Variants in UGT2B15 observed in about 807,000 individuals in gnomAD.
The protein encoded by UGT2B15 is UDP-glucuronosyltransferase 2B15.
A neutral mutation model predicts 45.9 loss-of-function variants in UGT2B15; 36 were observed. The ratio of observed to expected loss-of-function variants is 0.78; its 90% confidence interval spans 0.60 to 1.04. The LOEUF (loss-of-function observed/expected upper bound fraction) is 1.04. Ranked by LOEUF, UGT2B15 falls within the 50% of genes least tolerant of loss-of-function variation. UGT2B15 has a pLI of 0.00. For synonymous variants in UGT2B15, 219 were observed against 216.4 expected (o/e 1.01, Z -0.11); for missense variants, 617 against 622.4 (o/e 0.99, Z 0.09).
chr4:68,649,767 T>A (rs1732596709), intron 5 of UGT2B15, among the ~76,000 whole-genome samples: 1 of 152,064 alleles, frequency 6.6e-6, no homozygotes, highest in African/African-American at 2.4e-5. Flanking sequence ...CAAAGATCAC[T>A]ATTTTGTCTT....
intron 2 of UGT2B15, among the ~76,000 whole-genome samples, chr4:68,666,746 A>ATTTTTT (rs1172427126): frequency 1.4e-5 from 1 of 71,108 alleles, no homozygotes; most frequent in East Asian, 4.9e-4. Flanking sequence ...ATATATATAT[A>ATTTTTT]TATATATTTT....
intron 1 of UGT2B15, 49 bp from the exon 2 acceptor site, chr4:68,668,237 G>T (rs764862602): frequency 5.0e-6 from 8 of 1,605,840 alleles, no homozygotes; most frequent in Non-Finnish European, 6.8e-6. Flanking sequence ...CACGAGAATT[G>T]TTATTTGAAT....
chr4:68,669,742 T>C (rs1183367726), intron 1 of UGT2B15, among the ~76,000 whole-genome samples, 153 bp downstream of exon 1: 2 of 152,212 alleles, frequency 1.3e-5, no homozygotes, highest in Non-Finnish European at 2.9e-5. Context: ...GTCAACATTC[T>C]ATAATATTTT....
At chr4:68,660,173 C>T (rs1448938592) in intron 3 of UGT2B15, among the ~76,000 whole-genome samples, 3 of 151,536 alleles carry the variant, frequency 2.0e-5, no homozygotes, top group Non-Finnish European at 2.9e-5. Context: ...TTTATCAAGG[C>T]TTCCACTGGT....
At chr4:68,653,514 T>A (rs1316074902) in intron 5 of UGT2B15, among the ~76,000 whole-genome samples, 7 of 151,974 alleles carry the variant, frequency 4.6e-5, no homozygotes, top group Non-Finnish European at 8.8e-5. Flanking sequence ...ACATTATGAG[T>A]TTAATTTGAA....
In UGT2B15 at chr4:68,653,951, G is replaced by A. The variant is rs1732726347; in HGVS notation, c.1313+86C>T. On this transcript the variant is annotated intron_variant, in intron 5 of 5. Coordinates refer to ENST00000338206, the MANE Select transcript of UGT2B15 (RefSeq NM_001076.4). ...AATCACTTCAATCCCTTCAAAATTAGTCTCTTAAAAACGGGTTAAAATTCA... is the reference window on the plus strand; with the variant it reads ...AATCACTTCAATCCCTTCAAAATTAATCTCTTAAAAACGGGTTAAAATTCA... 2.8e-5 allele frequency: 43 copies of A among 1,521,454 alleles called. No homozygotes were observed. In the South Asian group the frequency reaches 4.5e-4, roughly 16 times the overall value. 94.2% of individuals were successfully genotyped at this position (1,521,454 alleles called of 1,614,324 possible).
chr4:68,649,591 C>G (rs1347818452), intron 5 of UGT2B15, among the ~76,000 whole-genome samples: 1 of 151,668 alleles, frequency 6.6e-6, no homozygotes, highest in Non-Finnish European at 1.5e-5. Flanking sequence ...TCCATAAACT[C>G]TTTTAAAAAT....
chr4:68,668,182 G>A lies in UGT2B15; in HGVS notation c.731C>T (p.Pro244Leu). ...CCCCATTGTCTCAAATAATGTAGTG[G>A]GTCTTCCTGATGGAAAAAAACAAAA... ...DQFYSEVLGRPTTLFETMGKA... is the reference protein window; with the variant it reads ...DQFYSEVLGRLTTLFETMGKA... Residue 244 changes from proline (P) to leucine (L), a missense_variant, in exon 2 of 6, where the codon CCC (proline) becomes CTC (leucine). Transcript: ENST00000338206. The A allele has an allele frequency of 4.4e-6, 7 of 1,607,554 alleles. No homozygotes were observed. The highest frequency in any genetic ancestry group is 5.9e-6 in the Non-Finnish European group (7 of 1,177,264).
chr4:68,670,521 T>C lies in UGT2B15; in HGVS notation c.98A>G (p.Tyr33Cys). 6.2e-7 allele frequency: 1 copy of C among 1,613,896 alleles called. No homozygotes were observed. The highest frequency in any genetic ancestry group is 8.5e-7 in the Non-Finnish European group (1 of 1,179,944). Residue 33 changes from tyrosine to cysteine, a missense_variant, in exon 1 of 6, where the codon TAC becomes TGC. Transcript: ENST00000338206. ...CGKVLVWPTE[Y>C]SHWINMKTIL... is the part of the protein sequence containing the mutation. The stretch of plus-strand genomic sequence containing the variant: ...TGTCTTCATATTTATCCAATGGCTG[T>C]ATTCTGTGGGCCACACTAGCACCTT...
At chr4:68,648,620 A>G (rs1732554855) in intron 5 of UGT2B15, among the ~76,000 whole-genome samples, 1 of 152,116 alleles carries the variant, frequency 6.6e-6, no homozygotes, top group East Asian at 1.9e-4. Flanking sequence ...TATATATACT[A>G]TGTGACTACC....
intron 1 of UGT2B15, 115 bp downstream of exon 1, chr4:68,669,780 C>G: frequency 7.2e-7 from 1 of 1,386,600 alleles, no homozygotes; most frequent in Non-Finnish European, 9.8e-7. Context: ...CTTACATTTG[C>G]AATTCATAAT....
In UGT2B15 at chr4:68,647,173, G is replaced by A. The variant is rs527906107; in HGVS notation, c.1524C>T (p.Ile508=). 1 of 1,613,804 alleles carries A rather than the reference G, an allele frequency of 6.2e-7. No homozygotes were observed. The highest frequency in any genetic ancestry group is 8.5e-7 in the Non-Finnish European group (1 of 1,179,874). ...LLACVATVIF[I]ITKFCLFCFR... ...AACAAAACAGGCAAAATTTTGTGAT[G>A]ATAAATATCACAGTTGCCACGCAGG... is the stretch of plus-strand genomic sequence containing the variant. Residue 508 remains isoleucine (I), a synonymous_variant, in exon 6 of 6, where the codon ATC becomes ATT. Transcript: ENST00000338206.
In UGT2B15 at chr4:68,668,029, A is replaced by T. The variant is rs780686752; in HGVS notation, c.873+11T>A. 1 of 1,613,350 alleles carries T rather than the reference A, an allele frequency of 6.2e-7. No individual in the cohort carries two copies. The highest frequency in any genetic ancestry group is 1.3e-5 in the African/African-American group (1 of 75,008). On this transcript the variant is annotated intron_variant, in intron 2 of 5. Coordinates refer to ENST00000338206, the MANE Select transcript of UGT2B15 (RefSeq NM_001076.4). ...ATGTCAAGCAAACAAATGAAACAAG[A>T]ATACATTTACCTTAGGCAGGGGTTT...
intron 3 of UGT2B15, among the ~76,000 whole-genome samples, chr4:68,659,929 G>GTT (rs201274189): frequency 3.0e-4 from 43 of 145,248 alleles, no homozygotes; most frequent in Non-Finnish European, 4.4e-4. Flanking sequence ...CCTTTGTTTT[G>GTT]TTTTTTTTTC....
Position 68,647,283 on chromosome 4 carries a change from T to C in UGT2B15, c.1414A>G (p.Lys472Glu), listed in dbSNP as rs1370102665. ...VFWIEFVMRH[K>E]GAKHLRVAAH... ...GCGACTCGAAGGTGCTTGGCTCCTTTGTGGCGCATGACAAACTCAATCCAG... is the reference window on the plus strand; with the variant it reads ...GCGACTCGAAGGTGCTTGGCTCCTTCGTGGCGCATGACAAACTCAATCCAG... The change falls in exon 6 of 6, where the codon AAA becomes GAA. Residue 472 changes from lysine to glutamate, a missense_variant. Around this residue, in one of 3 missense-constraint regions of UGT2B15, gnomAD observed 265 missense variants for 245.1 expected, o/e 1.08. Transcript: ENST00000338206. 3 of 1,613,962 alleles carry C rather than the reference T, an allele frequency of 1.9e-6. No individual in the cohort carries two copies. Among genetic ancestry groups the C allele is most frequent in the Admixed American group, 1.7e-5 (1 of 60,000 alleles).
At chr4:68,650,109 C>T (rs188809686) in intron 5 of UGT2B15, among the ~76,000 whole-genome samples, 290 of 152,098 alleles carry the variant, frequency 1.9e-3, no homozygotes, top group African/African-American at 3.6e-3. Flanking sequence ...GCTGGGATTA[C>T]GGGCGTGAGT....
At chr4:68,668,229 C>T (rs753506785) in intron 1 of UGT2B15, 41 bp from the exon 2 acceptor site, 21 of 1,604,624 alleles carry the variant, frequency 1.3e-5, no homozygotes, top group Admixed American at 5.1e-5. Context: ...GTAGCTAACA[C>T]GAGAATTGTT....
At chr4:68,653,798 C>T (rs954511397) in intron 5 of UGT2B15, among the ~76,000 whole-genome samples, 1 of 151,876 alleles carries the variant, frequency 6.6e-6, no homozygotes, top group Non-Finnish European at 1.5e-5. Context: ...TAATTATCTA[C>T]ATATCTTTAA....
chr4:68,657,277 G>T (rs1287770574), intron 3 of UGT2B15, among the ~76,000 whole-genome samples: 2 of 152,070 alleles, frequency 1.3e-5, no homozygotes, highest in African/African-American at 2.4e-5. Flanking sequence ...GCCCTGCAGG[G>T]AAATCCCCAA....
Sources: allele counts gnomAD v4.1 joint callset (sites outside exome capture counted in the v4.1 genomes callset), GRCh38; gene constraint gnomAD v4.1.1; regional missense constraint gnomAD v4.1.1; transcripts MANE v1.5; gene names NCBI Gene and HGNC (gene_info 2026-07-23, HGNC 2026-07-21).